Variants in NOL9 observed in about 807,000 individuals in gnomAD.
NOL9 encodes the protein nucleolar protein 9.
Under a neutral mutation model 67.9 loss-of-function variants are expected in NOL9, and 28 were observed. The ratio of observed to expected loss-of-function variants is 0.41; its 90% confidence interval spans 0.31 to 0.57. NOL9 has a LOEUF of 0.57. NOL9 is among the 20% of genes least tolerant of loss of function. The probability of loss-of-function intolerance (pLI) is 0.25; values close to 1 mark genes in which losing one functional copy is unlikely to be tolerated. For missense variants in NOL9, 777 were observed against 897.0 expected, an observed-to-expected ratio of 0.87 and a Z score of 1.71; for synonymous variants, 356 against 352.2, an observed-to-expected ratio of 1.01 and a Z score of -0.12.
At chr1:6,547,936 T>C in intron 3 of NOL9, 1 of 233,950 alleles carries the variant, frequency 4.3e-6, no homozygotes, top group East Asian at 1.0e-4. Context: ...TCATAGGCTT[T>C]CCTACAATAC....
At chr1:6,537,019 A>T (rs1187724798) in intron 6 of NOL9, among the ~76,000 whole-genome samples, 3 of 151,788 alleles carry the variant, frequency 2.0e-5, no homozygotes, top group Non-Finnish European at 4.4e-5. Flanking sequence ...TCTCTCAAAA[A>T]CCAAGCACGG....
Position 6,533,316 on chromosome 1 carries a change from A to T in NOL9, c.1201T>A (p.Ser401Thr), listed in dbSNP as rs754140826. 2.5e-6 allele frequency: 4 copies of T among 1,608,774 alleles called. No homozygotes were observed. The South Asian group carries it at 4.4e-5, about 18-fold the overall frequency. Residue 401 changes from serine to threonine, a missense_variant, in exon 7 of 12, where the codon TCC becomes ACC. Ser to Thr is a moderately conservative substitution (Grantham distance 58). Coordinates refer to ENST00000377705, the MANE Select transcript of NOL9 (RefSeq NM_024654.5). ...CCCATAGTGTTGACGATGAGAGGGG[A>T]CTCTCTCTTGTAAGCGCTGAACACA... ...KYVFSAYKRE[S>T]PLIVNTMGWV... is the part of the protein sequence containing the mutation.
chr1:6,554,507 G>A lies in NOL9; in HGVS notation c.-5C>T. 3 of 1,528,390 alleles carry A rather than the reference G, an allele frequency of 2.0e-6. No homozygotes were observed. The highest frequency in any genetic ancestry group is 1.4e-5 in the African/African-American group (1 of 70,190). 94.7% of individuals were successfully genotyped at this position (1,528,390 alleles called of 1,614,324 possible). A position where few individuals can be genotyped will look rare whatever the true frequency, so the allele number is the denominator to read the frequency against. ...CAGCAGTCCCGAGTCCGCCATGCTG[G>A]GTCCTCAGGGCCTACCGCGCGAGAA... is the stretch of plus-strand genomic sequence containing the variant. On this transcript the variant is annotated 5_prime_UTR_variant, in exon 1 of 12. Transcript: ENST00000377705.
Position 6,527,239 on chromosome 1 carries a change from T to C in NOL9, c.1826-410A>G, listed in dbSNP as rs1429385353. ...TCCAGCCTGGGTGACAGAGTGAGAC[T>C]GTCTCAAAAAAAAAAAAAAAATACA... On this transcript the variant is annotated intron_variant, in intron 10 of 11. Coordinates refer to ENST00000377705, the MANE Select transcript of NOL9 (RefSeq NM_024654.5). Among the ~76,000 whole-genome samples, 4 of 88,892 alleles carry C rather than the reference T, an allele frequency of 4.5e-5. No individual in the cohort carries two copies. In the East Asian group the frequency reaches 1.3e-3, roughly 29 times the overall value. The allele number at this position is 88,892 out of a possible 152,430, so 58.3% of individuals were successfully genotyped here.
chr1:6,540,934 A>G (rs1639273083), intron 6 of NOL9: 1 of 151,962 alleles, frequency 6.6e-6, no homozygotes, highest in African/African-American at 2.4e-5. Flanking sequence ...CAAGGATAAC[A>G]TATTATTTTT....
chr1:6,530,175 C>T (rs1434867246), intron 9 of NOL9, among the ~76,000 whole-genome samples: 5 of 151,878 alleles, frequency 3.3e-5, no homozygotes, highest in South Asian at 4.2e-4. Flanking sequence ...AAATGTGGGC[C>T]GGGTGCAGAG....
rs1376819438 is a variant in NOL9, at chr1:6,532,665, G to C, written c.1333C>G (p.Leu445Val). 2.5e-6 allele frequency: 4 copies of C among 1,614,002 alleles called. No individual in the cohort carries two copies. The highest frequency in any genetic ancestry group is 2.2e-5 in the East Asian group (1 of 44,904). The change falls in exon 8 of 12, where the codon CTT (leucine) becomes GTT (valine). Residue 445 changes from leucine (L) to valine (V), a missense_variant. Physicochemically the swap from Leu to Val is conservative, Grantham distance 32. This residue lies in a region of NOL9 where 413 missense variants were observed against 552.6 expected (regional missense o/e 0.75). Transcript: ENST00000377705. Reference protein sequence around the residue: ...RSDHSKYMPDLTPQYVDDMDG... With the variant: ...RSDHSKYMPDVTPQYVDDMDG... ...ATGTCATCTACATACTGCGGGGTAA[G>C]GTCTGGCATATATTTACTGTGGTCA... is the stretch of plus-strand genomic sequence containing the variant.
At chr1:6,545,510 G>C (rs1165139280) in intron 3 of NOL9, among the ~76,000 whole-genome samples, 2 of 152,216 alleles carry the variant, frequency 1.3e-5, no homozygotes, top group Non-Finnish European at 2.9e-5. Context: ...GTAGAATCAA[G>C]TCAAGGCAAC....
At chr1:6,532,246 A>G (rs1255644830) in intron 8 of NOL9, 167 bp from the exon 9 acceptor site, 2 of 718,820 alleles carry the variant, frequency 2.8e-6, no homozygotes, top group African/African-American at 3.6e-5. Flanking sequence ...ACTCTCCTTT[A>G]AGTCAAAGTT....
intron 3 of NOL9, 41 bp from the exon 4 acceptor site, chr1:6,545,221 A>T (rs1639393305): frequency 6.3e-7 from 1 of 1,583,490 alleles, no homozygotes; most frequent in Non-Finnish European, 8.6e-7. Context: ...AAAAATGCAT[A>T]TTTTTTTCTT....
chr1:6,526,279 A>C (rs1257238554), intron 11 of NOL9, among the ~76,000 whole-genome samples: 1 of 152,178 alleles, frequency 6.6e-6, no homozygotes, highest in Non-Finnish European at 1.5e-5. Flanking sequence ...AATGAGGGAC[A>C]CTGGAGGATG....
At position 6,529,160 on chromosome 1, in the gene NOL9, A is replaced by C; in HGVS notation, c.1659T>G (p.Asn553Lys). The change falls in exon 10 of 12, where the codon AAT (asparagine) becomes AAG (lysine). Residue 553 changes from asparagine (N) to lysine (K), a missense_variant. Coordinates refer to ENST00000377705, the MANE Select transcript of NOL9 (RefSeq NM_024654.5). Reference protein sequence around the residue: ...HSLTPYQVPFNAVALRITHSD... With the variant: ...HSLTPYQVPFKAVALRITHSD... Reference sequence around the variant, plus strand: ...AGTGGGTAATCCGGAGTGCGACTGCATTGAAAGGGACCTGGAAAATGAATT... The same window carrying C: ...AGTGGGTAATCCGGAGTGCGACTGCCTTGAAAGGGACCTGGAAAATGAATT... The C allele has an allele frequency of 6.2e-7, 1 of 1,613,022 alleles. No homozygotes were observed. The highest frequency in any genetic ancestry group is 8.5e-7 in the Non-Finnish European group (1 of 1,179,088).
Position 6,546,931 on chromosome 1 carries a change from C to T in NOL9, c.745-1751G>A, listed in dbSNP as rs76310280. Among the ~76,000 whole-genome samples, 571 of 152,352 alleles carry T rather than the reference C, an allele frequency of 3.7e-3. 30 individuals are homozygous for T. The East Asian group carries it at 0.096, about 26-fold the overall frequency. ...ACCCCATTCCAATCAGGCTACTTCC[C>T]GGCCTCTACAGCCAGCGCTTTCTCA... On this transcript the variant is annotated intron_variant, in intron 3 of 11. Transcript: ENST00000377705.
chr1:6,540,547 C>T (rs12122712), intron 6 of NOL9, among the ~76,000 whole-genome samples: 120,520 of 152,098 alleles, frequency 0.79, 48,932 homozygotes, highest in Non-Finnish European at 0.87. Flanking sequence ...AAAGTTGTGG[C>T]CAGGCACAGT....
At chr1:6,538,154 T>C (rs926031549) in intron 6 of NOL9, among the ~76,000 whole-genome samples, 5 of 152,114 alleles carry the variant, frequency 3.3e-5, no homozygotes, top group Non-Finnish European at 5.9e-5. Context: ...ATTTCAAGGA[T>C]GTAACACCAA....
chr1:6,549,338 T>C (rs1442647511), intron 3 of NOL9: 9 of 415,356 alleles, frequency 2.2e-5, no homozygotes, highest in Non-Finnish European at 3.5e-5. Flanking sequence ...AAAAAGCACT[T>C]AACCAACTAC....
At chr1:6,539,064 A>G (rs1639218651) in intron 6 of NOL9, among the ~76,000 whole-genome samples, 1 of 152,246 alleles carries the variant, frequency 6.6e-6, no homozygotes, top group South Asian at 2.1e-4. Flanking sequence ...CAATAAGTAC[A>G]TGCTCAACAT....
At chr1:6,531,004 G>A (rs915862884) in intron 9 of NOL9, among the ~76,000 whole-genome samples, 3 of 152,308 alleles carry the variant, frequency 2.0e-5, no homozygotes, top group Admixed American at 6.5e-5. Context: ...ACAGGACCAC[G>A]GTAAGTAGTG....
chr1:6,548,504 G>A (rs781111341), intron 3 of NOL9: 14 of 263,104 alleles, frequency 5.3e-5, no homozygotes, highest in East Asian at 9.3e-5. Flanking sequence ...CAGAGCCTAC[G>A]GTGGTTCCAT....
Sources: gnomAD v4.1 joint callset for allele counts (sites outside exome capture counted in the v4.1 genomes callset) on GRCh38, gnomAD v4.1.1 for gene constraint, gnomAD v4.1.1 regional missense constraint, MANE v1.5 for transcripts, NCBI Gene and HGNC (gene_info 2026-07-23, HGNC 2026-07-21) for gene names.